Variants in NAA25 observed in about 807,000 individuals in gnomAD.
The protein encoded by NAA25 is N-alpha-acetyltransferase 25, NatB auxiliary subunit.
A neutral mutation model predicts 132.5 loss-of-function variants in NAA25; 30 were observed. That is an observed-to-expected ratio of 0.23 (90% CI 0.17 to 0.31). The LOEUF is 0.31. Ranked by LOEUF, NAA25 falls within the 10% of genes least tolerant of loss-of-function variation. The pLI, the probability that NAA25 is intolerant of heterozygous loss-of-function variation, is 1.00. For missense variants in NAA25, 771 were observed against 1,150.4 expected, an observed-to-expected ratio of 0.67 and a Z score of 4.77; for synonymous variants, 359 against 401.9, an observed-to-expected ratio of 0.89 and a Z score of 1.28.
intron 23 of NAA25, among the ~76,000 whole-genome samples, chr12:112,032,975 C>T (rs956928918): frequency 6.6e-6 from 1 of 152,110 alleles, no homozygotes; most frequent in Admixed American, 6.5e-5. Context: ...GCTCAAAATG[C>T]TGGCATTAGT....
chr12:112,085,404 A>G (rs1331949062), intron 4 of NAA25, among the ~76,000 whole-genome samples: 1 of 152,208 alleles, frequency 6.6e-6, no homozygotes, highest in Non-Finnish European at 1.5e-5. Context: ...AAAAAAAGAA[A>G]AAGAAAAAAG....
At chr12:112,087,883 T>C (rs572633600) in intron 3 of NAA25, 82 bp from the exon 4 acceptor site, 2 of 860,308 alleles carry the variant, frequency 2.3e-6, no homozygotes, top group East Asian at 2.4e-5. Context: ...TTGGCAGAAA[T>C]AGATGTCTCC....
intron 10 of NAA25, 69 bp downstream of exon 10, chr12:112,071,826 C>CGGTGGTTGCCG: frequency 2.4e-6 from 3 of 1,247,880 alleles, no homozygotes; most frequent in African/African-American, 1.8e-5. Context: ...GTGTAGATCT[C>CGGTGGTTGCCG]AACTAATGAA....
intron 20 of NAA25, 120 bp from the exon 21 acceptor site, chr12:112,040,698 C>A: frequency 1.6e-6 from 1 of 617,130 alleles, no homozygotes; most frequent in Non-Finnish European, 2.8e-6. Context: ...ATTTGTTTTT[C>A]ATTTTCCATA....
intron 1 of NAA25, among the ~76,000 whole-genome samples, chr12:112,097,662 T>C (rs1333533652): frequency 6.6e-6 from 1 of 150,790 alleles, no homozygotes; most frequent in Non-Finnish European, 1.5e-5. Flanking sequence ...ACAGCATTTA[T>C]ATAAAAATGA....
At chr12:112,092,538 A>C (rs1466258617) in intron 2 of NAA25, among the ~76,000 whole-genome samples, 1 of 152,040 alleles carries the variant, frequency 6.6e-6, no homozygotes, top group East Asian at 1.9e-4. Context: ...AAAGCAGGAG[A>C]ATCACTTGAA....
intron 22 of NAA25, 72 bp from the exon 23 acceptor site, chr12:112,033,451 T>C: frequency 1.5e-6 from 2 of 1,378,566 alleles, no homozygotes; most frequent in East Asian, 2.5e-5. Context: ...CAAAAGCTAC[T>C]GAAAGATGTG....
chr12:112,040,583 A>C lies in NAA25; in HGVS notation c.2441-5T>G, dbSNP rs1159671539. ...CTTTACATTTACTGAAGACATCTGA[A>C]AACAAAAAACATTTTAGTTTTATTC... On this transcript the variant is annotated splice_polypyrimidine_tract_variant and splice_region_variant and intron_variant, in intron 20 of 23. Coordinates refer to ENST00000261745, the MANE Select transcript of NAA25 (RefSeq NM_024953.4). The C allele has an allele frequency of 6.6e-7, 1 of 1,512,384 alleles. No individual in the cohort carries two copies. The highest frequency in any genetic ancestry group is 1.4e-5 in the African/African-American group (1 of 72,034). The allele number at this position is 1,512,384 out of a possible 1,614,324, so 93.7% of individuals were successfully genotyped here.
At chr12:112,107,569 TAAAA>T (rs3841472) in intron 1 of NAA25, among the ~76,000 whole-genome samples, 1 of 143,990 alleles carries the variant, frequency 6.9e-6, no homozygotes, top group African/African-American at 2.5e-5. Context: ...GATGTGAGAG[TAAAA>T]AAAAAAATCA....
intron 19 of NAA25, 99 bp downstream of exon 19, chr12:112,042,989 T>A: frequency 8.4e-7 from 1 of 1,193,982 alleles, no homozygotes; most frequent in East Asian, 2.4e-5. Context: ...CCAGCTTCCA[T>A]GTACTCTAAA....
rs375933962 is a variant in NAA25, at chr12:112,095,039, T to C, written c.59-1903A>G. On this transcript the variant is annotated intron_variant, in intron 1 of 23. Coordinates refer to ENST00000261745, the MANE Select transcript of NAA25 (RefSeq NM_024953.4). ...GTGTTAGGCTGAGTGTGGTGGCTCA[T>C]GCCTGCAATCCCAGCACTTAGGAAG... Among the ~76,000 whole-genome samples the C allele has an allele frequency of 2.0e-5, 3 of 152,116 alleles. No individual in the cohort carries two copies. The East Asian group carries it at 5.8e-4, about 29-fold the overall frequency.
intron 4 of NAA25, among the ~76,000 whole-genome samples, chr12:112,084,614 C>T (rs1441398656): frequency 6.6e-6 from 1 of 151,418 alleles, no homozygotes; most frequent in South Asian, 2.1e-4. Flanking sequence ...CATGGTGAAA[C>T]CCCATCTCTA....
At chr12:112,088,317 GTTTTTT>G (rs1025838850) in intron 3 of NAA25, among the ~76,000 whole-genome samples, 112 of 75,598 alleles carry the variant, frequency 1.5e-3, no homozygotes, top group African/African-American at 5.7e-3. Flanking sequence ...GTATATTGTA[GTTTTTT>G]TTTTTTTTTT....
At chr12:112,106,610 G>GTCTTCAGCT (rs2079364595) in intron 1 of NAA25, among the ~76,000 whole-genome samples, 2 of 152,100 alleles carry the variant, frequency 1.3e-5, no homozygotes, top group Non-Finnish European at 2.9e-5. Flanking sequence ...GTGACCTCAG[G>GTCTTCAGCT]CAAATCAGTG....
chr12:112,036,455 T>C lies in NAA25; in HGVS notation c.2649+2774A>G, dbSNP rs567604067. Among the ~76,000 whole-genome samples, 26 of 152,262 alleles carry C rather than the reference T, an allele frequency of 1.7e-4. No individual in the cohort carries two copies. In the South Asian group the frequency reaches 4.8e-3, roughly 28 times the overall value. On this transcript the variant is annotated intron_variant, in intron 22 of 23. Coordinates refer to ENST00000261745, the MANE Select transcript of NAA25 (RefSeq NM_024953.4). ...ATATTTGGATGCAGGGTTCTCACTC[T>C]GAGAAAAGGAAGCTACAAAAAGGGA... is the stretch of plus-strand genomic sequence containing the variant.
At chr12:112,103,951 C>G (rs931334873) in intron 1 of NAA25, among the ~76,000 whole-genome samples, 9 of 152,164 alleles carry the variant, frequency 5.9e-5, no homozygotes, top group Admixed American at 5.2e-4. Context: ...TGCTCTCCCC[C>G]ACAACACCCT....
Position 112,098,325 on chromosome 12 carries a change from C to T in NAA25, c.59-5189G>A, listed in dbSNP as rs117917346. On this transcript the variant is annotated intron_variant, in intron 1 of 23. Coordinates refer to ENST00000261745, the MANE Select transcript of NAA25 (RefSeq NM_024953.4). Reference sequence around the variant, plus strand: ...TGGTATCAAAGAGATTGTTTCTTCACCTGAAAGAGTTTAAAACACTTTACC... The same window carrying T: ...TGGTATCAAAGAGATTGTTTCTTCATCTGAAAGAGTTTAAAACACTTTACC... Among the ~76,000 whole-genome samples, 60 of 152,090 alleles carry T rather than the reference C, an allele frequency of 3.9e-4. No homozygotes were observed. In the East Asian group the frequency reaches 0.01, roughly 26 times the overall value.
chr12:112,106,543 T>A (rs2079363574), intron 1 of NAA25, among the ~76,000 whole-genome samples: 2 of 152,140 alleles, frequency 1.3e-5, no homozygotes, highest in Non-Finnish European at 1.5e-5. Context: ...GGCATGAGAA[T>A]ATGCAGCCCC....
At chr12:112,084,820 G>A (rs936233804) in intron 4 of NAA25, among the ~76,000 whole-genome samples, 1 of 151,776 alleles carries the variant, frequency 6.6e-6, no homozygotes, top group East Asian at 1.9e-4. Flanking sequence ...AAATTAGCCA[G>A]GTGCAGTGGC....
Sources: allele counts gnomAD v4.1 joint callset (sites outside exome capture counted in the v4.1 genomes callset), GRCh38; gene constraint gnomAD v4.1.1; transcripts MANE v1.5; gene names NCBI Gene and HGNC (gene_info 2026-07-23, HGNC 2026-07-21).